The following POMZP3 variants were observed in gnomAD, a reference collection of about 807,000 sequenced individuals.
The protein encoded by POMZP3 is POM121 and ZP3 fusion, also known as POM121 and ZP3 fusion protein.
POMZP3 carries 10 observed loss-of-function variants against 19.8 expected under a neutral mutation model. That is an observed-to-expected ratio of 0.51 (90% CI 0.31 to 0.86). POMZP3 has a LOEUF of 0.86. Among genes scored for constraint, POMZP3 ranks in the 40% least tolerant of loss-of-function variants. POMZP3 has a pLI of 0.04. For synonymous variants in POMZP3, 57 were observed against 85.8 expected (o/e 0.66, Z 1.85); for missense variants, 152 against 228.1 (o/e 0.67, Z 2.15).
At chr7:76,619,467 G>A (rs1046295955) in intron 3 of POMZP3, among the ~76,000 whole-genome samples, 56 of 151,410 alleles carry the variant, frequency 3.7e-4, no homozygotes, top group African/African-American at 1.3e-3. Flanking sequence ...ACACAGTAGG[G>A]CAGTTTGCCA....
In POMZP3 at chr7:76,626,034, C is replaced by A; in HGVS notation, c.31G>T (p.Ala11Ser). ...CGCGAAAATCTTCTGTCAGGAGGGG[C>A]GATCCTCAGAGTCACTGGGCTACAC... MVCSPVTLRI[A>S]PPDRRFSRSA... Residue 11 changes from alanine to serine, a missense_variant, in exon 2 of 7, where the codon GCC (alanine) becomes TCC (serine). By Grantham distance (99) the Ala-to-Ser change is moderately conservative (BLOSUM62 1). This residue lies in a region of POMZP3 where 70 missense variants were observed against 64.1 expected (regional missense o/e 1.09). Coordinates refer to ENST00000310842, the MANE Select transcript of POMZP3 (RefSeq NM_012230.5). 1 of 1,613,722 alleles carries A rather than the reference C, an allele frequency of 6.2e-7. No homozygotes were observed. Among genetic ancestry groups the A allele is most frequent in the Non-Finnish European group, 8.5e-7 (1 of 1,179,716 alleles).
intron 4 of POMZP3, among the ~76,000 whole-genome samples, chr7:76,614,601 C>A (rs1815224874): frequency 1.2e-5 from 1 of 81,282 alleles, no homozygotes; most frequent in African/African-American, 5.5e-5. Flanking sequence ...TGTGATAGCT[C>A]ACGCCTGTAA....
At chr7:76,619,558 T>C (rs1489481164) in intron 3 of POMZP3, among the ~76,000 whole-genome samples, 2 of 149,714 alleles carry the variant, frequency 1.3e-5, no homozygotes, top group Non-Finnish European at 3.0e-5. Flanking sequence ...CAGGGGTTCT[T>C]TGTCTGAAAT....
chr7:76,625,820 C>T, intron 2 of POMZP3, 137 bp from the exon 3 acceptor site: 2 of 1,377,000 alleles, frequency 1.5e-6, no homozygotes, highest in South Asian at 1.4e-5. Context: ...AGTAAAGCTA[C>T]TTTTTCGTTA....
At chr7:76,620,834 T>C (rs1360728790) in intron 3 of POMZP3, among the ~76,000 whole-genome samples, 2 of 147,338 alleles carry the variant, frequency 1.4e-5, no homozygotes, top group Non-Finnish European at 3.0e-5. Context: ...TGGGGAAGAC[T>C]GGTTTACTCC....
At chr7:76,615,973 CAAAA>C (rs147207347) in intron 4 of POMZP3, among the ~76,000 whole-genome samples, 1 of 16,916 alleles carries the variant, frequency 5.9e-5, no homozygotes, top group East Asian at 1.0e-3. Flanking sequence ...GAGACCCTCT[CAAAA>C]AAAAAAAAAA....
rs186085204 is a variant in POMZP3 at position 76,616,238 on chromosome 7, G to A, written c.345+1945C>T. Among the ~76,000 whole-genome samples, 641 of 130,906 alleles carry A rather than the reference G, an allele frequency of 4.9e-3. 23 individuals carry two copies. Among genetic ancestry groups the A allele is most frequent in the African/African-American group, 0.018 (608 of 33,586 alleles). 85.9% of individuals were successfully genotyped at this position (130,906 alleles called of 152,430 possible). A position where few individuals can be genotyped will look rare whatever the true frequency, so the allele number is the denominator to read the frequency against. Reference sequence around the variant, plus strand: ...GCAGAGGTTGCAGTGAGCCAAGACCGCACCATTGCATTCCAGCTTGGGTGA... The same window carrying A: ...GCAGAGGTTGCAGTGAGCCAAGACCACACCATTGCATTCCAGCTTGGGTGA... On this transcript the variant is annotated intron_variant, in intron 4 of 6. Coordinates refer to ENST00000310842, the MANE Select transcript of POMZP3 (RefSeq NM_012230.5).
At chr7:76,624,240 T>C (rs1426190722) in intron 3 of POMZP3, among the ~76,000 whole-genome samples, 1 of 141,930 alleles carries the variant, frequency 7.0e-6, no homozygotes, top group African/African-American at 2.7e-5. Context: ...TGGCCGAAAT[T>C]AGAAGGGGAT....
At chr7:76,621,345 T>C (rs1815547972) in intron 3 of POMZP3, 1 of 147,820 alleles carries the variant, frequency 6.8e-6, no homozygotes, top group East Asian at 2.0e-4. Flanking sequence ...GTCTTGCTTC[T>C]GCTTGGGTTT....
chr7:76,610,330 C>CTAAT, intron 6 of POMZP3, 115 bp from the exon 7 acceptor site: 2 of 1,135,944 alleles, frequency 1.8e-6, no homozygotes, highest in South Asian at 1.3e-5. Flanking sequence ...TTTGTGTGGG[C>CTAAT]TAATAAACAG....
chr7:76,622,374 G>GT (rs757086256), intron 3 of POMZP3, among the ~76,000 whole-genome samples: 1,486 of 62,620 alleles, frequency 0.024, 42 homozygotes, highest in South Asian at 0.062. Flanking sequence ...TCATTCTCAA[G>GT]TTTTTTTTTT....
rs1434206922 is a variant in POMZP3, at chr7:76,611,147, T to C, written c.*11+307A>G. Among the ~76,000 whole-genome samples the C allele has an allele frequency of 2.7e-5, 4 of 149,136 alleles. 1 individual carries two copies. Among genetic ancestry groups the C allele is most frequent in the Admixed American group, 1.3e-4 (2 of 14,908 alleles). On this transcript the variant is annotated intron_variant, in intron 6 of 6. Coordinates refer to ENST00000310842, the MANE Select transcript of POMZP3 (RefSeq NM_012230.5). Reference sequence around the variant, plus strand: ...CCTTGGCCTCCCAAAGTGTTGGGATTACAGGCCTGAGCCACTATGCCAAGC... The same window carrying C: ...CCTTGGCCTCCCAAAGTGTTGGGATCACAGGCCTGAGCCACTATGCCAAGC...
In POMZP3 at chr7:76,615,331, C is replaced by T. The variant is rs1179227173; in HGVS notation, c.345+2852G>A. Among the ~76,000 whole-genome samples, 46 of 94,302 alleles carry T rather than the reference C, an allele frequency of 4.9e-4. 15 individuals are homozygous for T. The highest frequency in any genetic ancestry group is 2.0e-3 in the African/African-American group (42 of 20,812). The allele number at this position is 94,302 out of a possible 152,430, so 61.9% of individuals were successfully genotyped here. On this transcript the variant is annotated intron_variant, in intron 4 of 6. Coordinates refer to ENST00000310842, the MANE Select transcript of POMZP3 (RefSeq NM_012230.5). The stretch of plus-strand genomic sequence containing the variant: ...CCTAAGGAGCTATCGGTCACTGATC[C>T]GAGGGCCAGGACTCTTTTCCCAAAT...
At chr7:76,612,066 T>TGGGTACCTGTAGTCCC (rs1815136308) in intron 4 of POMZP3, among the ~76,000 whole-genome samples, 1 of 143,458 alleles carries the variant, frequency 7.0e-6, no homozygotes, top group Non-Finnish European at 1.5e-5. Flanking sequence ...GGCGTGGTGG[T>TGGGTACCTGTAGTCCC]GGGTACCTGT....
At chr7:76,618,489 G>T (rs1365261937) in intron 3 of POMZP3, 189 bp from the exon 4 acceptor site, 1 of 751,240 alleles carries the variant, frequency 1.3e-6, no homozygotes, top group Non-Finnish European at 2.1e-6. Flanking sequence ...GGGTGCAGCA[G>T]TGCACACCTG....
At chr7:76,625,394 G>A in intron 3 of POMZP3, 128 bp downstream of exon 3, 1 of 1,469,830 alleles carries the variant, frequency 6.8e-7, no homozygotes, top group Admixed American at 1.9e-5. Flanking sequence ...TTTCATGAAA[G>A]CCAAAGAAGG....
intron 3 of POMZP3, among the ~76,000 whole-genome samples, chr7:76,623,149 G>T (rs62476690): frequency 3.3e-5 from 5 of 151,416 alleles, no homozygotes; most frequent in Admixed American, 2.6e-4. Flanking sequence ...TGAAATTACA[G>T]GTGTGAGCCA....
chr7:76,620,041 G>A (rs1584348270), intron 3 of POMZP3, among the ~76,000 whole-genome samples: 1 of 76,776 alleles, frequency 1.3e-5, no homozygotes, highest in Non-Finnish European at 2.5e-5. Context: ...AGGGCCGGGT[G>A]CGGTGTCTCA....
chr7:76,625,514 C>A lies in POMZP3; in HGVS notation c.227+8G>T, dbSNP rs561709953. On this transcript the variant is annotated splice_region_variant and intron_variant, in intron 3 of 6. Coordinates refer to ENST00000310842, the MANE Select transcript of POMZP3 (RefSeq NM_012230.5). The stretch of plus-strand genomic sequence containing the variant: ...GAAACTGGCTTAGTACTCTCCTGAG[C>A]CTGTTACCTTCTTTTATTTTCCTGG... 6.2e-7 allele frequency: 1 copy of A among 1,612,854 alleles called. No homozygotes were observed. Among genetic ancestry groups the A allele is most frequent in the African/African-American group, 1.3e-5 (1 of 74,958 alleles).
Sources: allele counts gnomAD v4.1 joint callset (sites outside exome capture counted in the v4.1 genomes callset), GRCh38; gene constraint gnomAD v4.1.1; regional missense constraint gnomAD v4.1.1; transcripts MANE v1.5; gene names NCBI Gene and HGNC (gene_info 2026-07-23, HGNC 2026-07-21).